The following DOCK3 variants were observed in gnomAD, a reference collection of about 807,000 sequenced individuals.
The protein encoded by DOCK3 is dedicator of cytokinesis protein 3.
A neutral mutation model predicts 265.6 loss-of-function variants in DOCK3; 60 were observed. The ratio of observed to expected loss-of-function variants is 0.23; its 90% CI spans 0.18 to 0.28. DOCK3 has a LOEUF of 0.28. Ranked by LOEUF, DOCK3 falls within the 10% of genes least tolerant of loss-of-function variation. The pLI is 1.00. For synonymous variants in DOCK3, 881 were observed against 938.0 expected (o/e 0.94, Z 1.11); for missense variants, 1,981 against 2,594.3 (o/e 0.76, Z 5.14).
At chr3:50,834,936 C>A (rs748599570) in intron 2 of DOCK3, among the ~76,000 whole-genome samples, 3 of 152,192 alleles carry the variant, frequency 2.0e-5, no homozygotes, top group Non-Finnish European at 2.9e-5. Context: ...ATTAATGTCA[C>A]ACCCAATTCT....
At chr3:51,245,278 A>G (rs554286695) in intron 21 of DOCK3, among the ~76,000 whole-genome samples, 6 of 152,240 alleles carry the variant, frequency 3.9e-5, no homozygotes, top group Admixed American at 2.6e-4. Flanking sequence ...TGGAGGTTAC[A>G]ATGAGCCGAG....
intron 1 of DOCK3, among the ~76,000 whole-genome samples, chr3:50,751,099 G>T (rs887438025): frequency 6.6e-6 from 1 of 152,026 alleles, no homozygotes; most frequent in African/African-American, 2.4e-5. Flanking sequence ...TAAGAAAAAG[G>T]GCATAAGTAT....
At chr3:51,281,601 C>T (rs2081121197) in intron 27 of DOCK3, among the ~76,000 whole-genome samples, 1 of 151,988 alleles carries the variant, frequency 6.6e-6, no homozygotes, top group Admixed American at 6.6e-5. Context: ...GAGATTTGCT[C>T]CCCCACTGCT....
chr3:50,908,366 T>A (rs898459295), intron 4 of DOCK3, among the ~76,000 whole-genome samples: 2 of 152,028 alleles, frequency 1.3e-5, no homozygotes, highest in African/African-American at 4.8e-5. Flanking sequence ...ACATTTAGTG[T>A]TATAAACTTG....
intron 1 of DOCK3, among the ~76,000 whole-genome samples, chr3:50,728,561 A>G (rs181559902): frequency 3.9e-5 from 6 of 152,262 alleles, no homozygotes; most frequent in Admixed American, 3.9e-4. Flanking sequence ...CTCTTGCAAT[A>G]CTGATGAATT....
At chr3:51,297,578 A>T (rs559272813) in intron 27 of DOCK3, among the ~76,000 whole-genome samples, 1 of 152,294 alleles carries the variant, frequency 6.6e-6, no homozygotes, top group Admixed American at 6.5e-5. Context: ...ACAAGAAAAG[A>T]TACTCCACAT....
chr3:50,797,507 G>T lies in DOCK3; in HGVS notation c.121+18749G>T, dbSNP rs373808823. On this transcript the variant is annotated intron_variant, in intron 2 of 52. Transcript: ENST00000266037. ...CCGGACAGCAGATGAGACCTAAGGC[G>T]CAGCACCTTTCCAGCTAAATGTCAG... is the stretch of plus-strand genomic sequence containing the variant. Among the ~76,000 whole-genome samples, 9 of 152,316 alleles carry T rather than the reference G, an allele frequency of 5.9e-5. No individual in the cohort carries two copies. In the East Asian group the frequency reaches 1.2e-3, roughly 20 times the overall value.
intron 9 of DOCK3, among the ~76,000 whole-genome samples, chr3:51,129,114 A>T (rs1485717651): frequency 6.6e-6 from 1 of 152,230 alleles, no homozygotes; most frequent in African/African-American, 2.4e-5. Flanking sequence ...CCATCCAGCC[A>T]AACCATTGAC....
intron 1 of DOCK3, among the ~76,000 whole-genome samples, chr3:50,773,565 T>C (rs940873587): frequency 6.6e-6 from 1 of 152,120 alleles, no homozygotes; most frequent in Non-Finnish European, 1.5e-5. Flanking sequence ...GCTCCAGAGA[T>C]TGAAATTTAA....
intron 32 of DOCK3, among the ~76,000 whole-genome samples, chr3:51,321,311 C>G (rs947860797): frequency 1.3e-5 from 2 of 152,164 alleles, no homozygotes; most frequent in Non-Finnish European, 2.9e-5. Flanking sequence ...CACACAGAGA[C>G]CTCATCTGAA....
chr3:51,228,173 A>G, intron 17 of DOCK3, 85 bp downstream of exon 17: 1 of 1,368,270 alleles, frequency 7.3e-7, no homozygotes, highest in Admixed American at 1.8e-5. Context: ...GGTGGTTTTC[A>G]CTGGGCAGGC....
intron 32 of DOCK3, among the ~76,000 whole-genome samples, chr3:51,323,225 A>G (rs1397260441): frequency 1.3e-5 from 2 of 152,158 alleles, no homozygotes; most frequent in Non-Finnish European, 2.9e-5. Context: ...AGAGAACTAC[A>G]AAGATACTTA....
At chr3:51,186,091 G>A (rs1435859202) in intron 12 of DOCK3, among the ~76,000 whole-genome samples, 2 of 152,160 alleles carry the variant, frequency 1.3e-5, no homozygotes, top group Non-Finnish European at 2.9e-5. Flanking sequence ...CTCAGAAGAA[G>A]ACAGGAAAAT....
At chr3:51,151,728 A>T (rs976994895) in intron 10 of DOCK3, among the ~76,000 whole-genome samples, 8 of 152,280 alleles carry the variant, frequency 5.3e-5, no homozygotes, top group African/African-American at 1.9e-4. Flanking sequence ...TTGTCTGTAA[A>T]GGATTTTATT....
At chr3:51,064,339 A>T in intron 5 of DOCK3, 109 bp from the exon 6 acceptor site, 1 of 1,374,246 alleles carries the variant, frequency 7.3e-7, no homozygotes, top group Non-Finnish European at 1.0e-6. Context: ...ATATTACCTT[A>T]GTAGTTCAGA....
intron 2 of DOCK3, among the ~76,000 whole-genome samples, chr3:50,820,535 C>T (rs1209169272): frequency 8.5e-5 from 13 of 152,170 alleles, no homozygotes; most frequent in African/African-American, 2.9e-4. Flanking sequence ...TAGTATTCCA[C>T]GGATTATATG....
rs1468072344 is a variant in DOCK3 at position 51,016,685 on chromosome 3, CAT to C, written c.316-47759_316-47758del. Among the ~76,000 whole-genome samples the C allele has an allele frequency of 2.8e-4, 7 of 24,616 alleles. 2 individuals carry two copies. The highest frequency in any genetic ancestry group is 2.1e-3 in the Admixed American group (3 of 1,420). The allele number at this position is 24,616 out of a possible 152,430, so 16.1% of individuals were successfully genotyped here. ...TATTATATGATATATATTTATATAT[CAT>C]ATAATATATAAATATATATTATATA... On this transcript the variant is annotated intron_variant, in intron 5 of 52. Transcript: ENST00000266037.
intron 25 of DOCK3, chr3:51,276,217 A>G (rs1560334202): frequency 3.8e-6 from 1 of 261,656 alleles, no homozygotes; most frequent in Non-Finnish European, 5.9e-6. Flanking sequence ...ACAGGGGTCT[A>G]GCTTGGCAGA....
At chr3:51,245,534 G>A (rs2078797530) in intron 21 of DOCK3, among the ~76,000 whole-genome samples, 1 of 151,718 alleles carries the variant, frequency 6.6e-6, no homozygotes, top group African/African-American at 2.4e-5. Context: ...GGGATTATAG[G>A]CGCACACCAC....
Sources: allele counts gnomAD v4.1 joint callset (sites outside exome capture counted in the v4.1 genomes callset), GRCh38; gene constraint gnomAD v4.1.1; transcripts MANE v1.5; gene names NCBI Gene and HGNC (gene_info 2026-07-23, HGNC 2026-07-21).